Variants in DLG2 observed in about 807,000 individuals in gnomAD.
DLG2 encodes the protein discs large MAGUK scaffold protein 2.
DLG2 carries 45 observed loss-of-function variants against 132.5 expected under a neutral mutation model. That is an observed-to-expected ratio of 0.34 (90% CI 0.27 to 0.44). DLG2 has a LOEUF of 0.44. Among genes scored for constraint, DLG2 ranks in the 20% least tolerant of loss-of-function variants. The pLI is 1.00. For missense variants in DLG2, 1,045 were observed against 1,196.9 expected (o/e 0.87, Z 1.87); for synonymous variants, 424 against 419.6 (o/e 1.01, Z -0.13).
chr11:83,714,547 TGTCA>T (rs1177779345), intron 18 of DLG2, among the ~76,000 whole-genome samples: 4 of 152,208 alleles, frequency 2.6e-5, no homozygotes, highest in Admixed American at 6.5e-5. Context: ...TTGAAGTGAA[TGTCA>T]GTCAGAGAAG....
At position 85,416,089 on chromosome 11, in the gene DLG2, T is replaced by G. The variant is rs537841653; in HGVS notation, c.41-130724A>C. ...GGGTCCAGTTTCAGTTTTCCGCATA[T>G]GGCTAGCCAGTTTTCCCAACACCAC... On this transcript the variant is annotated intron_variant, in intron 3 of 27. Coordinates refer to ENST00000376104, the MANE Select transcript of DLG2 (RefSeq NM_001142699.3). Among the ~76,000 whole-genome samples the G allele has an allele frequency of 2.0e-5, 3 of 152,370 alleles. No homozygotes were observed. In the East Asian group the frequency reaches 5.8e-4, roughly 29 times the overall value.
intron 6 of DLG2, among the ~76,000 whole-genome samples, chr11:85,067,095 G>A (rs1342357341): frequency 1.3e-5 from 2 of 151,768 alleles, no homozygotes; most frequent in Admixed American, 6.6e-5. Flanking sequence ...CTGCACTCCA[G>A]GAATTCATCC....
At chr11:85,201,640 A>G (rs140827994) in intron 4 of DLG2, among the ~76,000 whole-genome samples, 4 of 152,314 alleles carry the variant, frequency 2.6e-5, no homozygotes, top group Admixed American at 2.0e-4. Context: ...CAGGCACAAA[A>G]AAGACTGCAA....
intron 3 of DLG2, among the ~76,000 whole-genome samples, chr11:85,449,849 T>A (rs1597425069): frequency 2.0e-5 from 3 of 151,524 alleles, no homozygotes; most frequent in Admixed American, 2.0e-4. Flanking sequence ...AAATTTTGAC[T>A]AGGCACAGTG....
At chr11:83,934,255 A>G (rs185441982) in intron 14 of DLG2, among the ~76,000 whole-genome samples, 7 of 152,248 alleles carry the variant, frequency 4.6e-5, no homozygotes, top group Admixed American at 1.3e-4. Flanking sequence ...TATCACCTCA[A>G]CTAGACTATG....
At chr11:84,435,024 C>T (rs1345485593) in intron 7 of DLG2, among the ~76,000 whole-genome samples, 2 of 151,464 alleles carry the variant, frequency 1.3e-5, no homozygotes, top group African/African-American at 2.4e-5. Flanking sequence ...AAAATATGAT[C>T]TTTCACAATT....
chr11:83,603,018 CTG>C lies in DLG2; in HGVS notation c.1940+30191_1940+30192del, dbSNP rs143333731. 9.8e-4 allele frequency among the ~76,000 whole-genome samples: 147 copies of C among 149,990 alleles called. 1 individual carries two copies. The highest frequency in any genetic ancestry group is 9.7e-3 in the South Asian group (46 of 4,744). Reference sequence around the variant, plus strand: ...TTGTTTTAGGGATAAAACCCAGTGACTGTGTGTGTGTGTGTATGTGTGTGCAT... The same window carrying C: ...TTGTTTTAGGGATAAAACCCAGTGACTGTGTGTGTGTGTATGTGTGTGCAT... On this transcript the variant is annotated intron_variant, in intron 19 of 27. Coordinates refer to ENST00000376104, the MANE Select transcript of DLG2 (RefSeq NM_001142699.3).
rs777904744 is a variant in DLG2 at position 85,596,074 on chromosome 11, G to C, written c.40+2583C>G. On this transcript the variant is annotated intron_variant, in intron 3 of 27. Coordinates refer to ENST00000376104, the MANE Select transcript of DLG2 (RefSeq NM_001142699.3). Reference sequence around the variant, plus strand: ...TCAAGACCAGCCTGGGAAACATAGCGAGACCCCATCGCTACTAAGAATTGA... The same window carrying C: ...TCAAGACCAGCCTGGGAAACATAGCCAGACCCCATCGCTACTAAGAATTGA... 2.6e-5 allele frequency among the ~76,000 whole-genome samples: 4 copies of C among 152,012 alleles called. No individual in the cohort carries two copies. The East Asian group carries it at 7.7e-4, about 29-fold the overall frequency.
intron 7 of DLG2, among the ~76,000 whole-genome samples, chr11:84,373,888 C>T (rs537479847): frequency 6.6e-6 from 1 of 152,260 alleles, no homozygotes; most frequent in Non-Finnish European, 1.5e-5. Context: ...TCTAATCTCA[C>T]AAAATAGATC....
intron 15 of DLG2, among the ~76,000 whole-genome samples, chr11:83,883,553 A>C: frequency 6.6e-6 from 1 of 151,734 alleles, no homozygotes. Context: ...TCCATGAAAA[A>C]CTCTTTGCTT....
chr11:85,297,678 C>G (rs553467733), intron 3 of DLG2, among the ~76,000 whole-genome samples: 1 of 152,212 alleles, frequency 6.6e-6, no homozygotes, highest in Admixed American at 6.5e-5. Flanking sequence ...AGTCCCAAAG[C>G]CACTGGGTGA....
chr11:85,398,560 GA>G (rs1472556851), intron 3 of DLG2, among the ~76,000 whole-genome samples: 1 of 151,928 alleles, frequency 6.6e-6, no homozygotes, highest in Admixed American at 6.6e-5. Flanking sequence ...AAAGAGAAAA[GA>G]ATCAAATAGA....
chr11:84,556,545 A>T (rs1490096898), intron 6 of DLG2, among the ~76,000 whole-genome samples: 1 of 152,194 alleles, frequency 6.6e-6, no homozygotes, highest in East Asian at 1.9e-4. Context: ...ATAAATTGCA[A>T]AACAGTCCCA....
At chr11:83,952,712 G>C (rs1201039808) in intron 14 of DLG2, among the ~76,000 whole-genome samples, 1 of 151,168 alleles carries the variant, frequency 6.6e-6, no homozygotes, top group Non-Finnish European at 1.5e-5. Context: ...CTCTCTCATT[G>C]CACATAGTAT....
intron 7 of DLG2, among the ~76,000 whole-genome samples, chr11:84,322,447 T>A (rs1451915659): frequency 2.0e-5 from 3 of 152,144 alleles, no homozygotes; most frequent in African/African-American, 7.2e-5. Flanking sequence ...TTTTCAAGAG[T>A]TCTCCCTTTA....
At chr11:84,782,496 A>G (rs1286732961) in intron 6 of DLG2, among the ~76,000 whole-genome samples, 7 of 151,928 alleles carry the variant, frequency 4.6e-5, no homozygotes, top group African/African-American at 7.3e-5. Context: ...ATATTTGCGT[A>G]TATCTCTATA....
intron 3 of DLG2, among the ~76,000 whole-genome samples, chr11:85,439,582 A>G (rs1277309833): frequency 2.0e-5 from 3 of 151,900 alleles, no homozygotes; most frequent in Admixed American, 6.6e-5. Flanking sequence ...GATGGTCTCA[A>G]TCTCCTGACC....
intron 6 of DLG2, among the ~76,000 whole-genome samples, chr11:84,719,353 T>C (rs906201485): frequency 2.0e-5 from 3 of 151,988 alleles, no homozygotes; most frequent in African/African-American, 7.2e-5. Flanking sequence ...CTCTCTCTCT[T>C]TCTCTCTCTC....
chr11:84,693,598 T>G (rs1333393312), intron 6 of DLG2, among the ~76,000 whole-genome samples: 1 of 151,764 alleles, frequency 6.6e-6, no homozygotes, highest in Non-Finnish European at 1.5e-5. Context: ...AAAAACGAGC[T>G]TAGGCACTCT....
Sources: allele counts gnomAD v4.1 joint callset (sites outside exome capture counted in the v4.1 genomes callset), GRCh38; gene constraint gnomAD v4.1.1; transcripts MANE v1.5; gene names NCBI Gene and HGNC (gene_info 2026-07-23, HGNC 2026-07-21).